The following MACF1 variants were observed in gnomAD, a reference collection of about 807,000 sequenced individuals.
MACF1 encodes the protein microtubule-actin cross-linking factor 1.
A neutral mutation model predicts 854.8 loss-of-function variants in MACF1; 193 were observed. That is an observed-to-expected ratio of 0.23 (90% CI 0.20 to 0.25). The LOEUF (loss-of-function observed/expected upper bound fraction) is 0.25. Ranked by LOEUF, MACF1 falls within the 10% of genes least tolerant of loss-of-function variation. MACF1 has a pLI of 1.00. For synonymous variants in MACF1, 3,185 were observed against 3,226.7 expected (o/e 0.99, Z 0.44); for missense variants, 7,722 against 8,929.1 (o/e 0.86, Z 5.45).
chr1:39,245,998 T>G (rs1644977588), intron 2 of MACF1, among the ~76,000 whole-genome samples: 1 of 152,242 alleles, frequency 6.6e-6, no homozygotes, highest in Admixed American at 6.5e-5. Flanking sequence ...TAAAAAACTT[T>G]CTTAGTCTTT....
chr1:39,202,345 G>A (rs890394212), upstream of MACF1, among the ~76,000 whole-genome samples: 1 of 150,784 alleles, frequency 6.6e-6, no homozygotes, highest in Non-Finnish European at 1.5e-5. Flanking sequence ...CGTAAACTTG[G>A]CTAGGTGCTG....
chr1:39,372,344 T>C (rs1158807861), intron 51 of MACF1, 135 bp from the exon 52 acceptor site: 6 of 589,588 alleles, frequency 1.0e-5, no homozygotes, highest in Non-Finnish European at 1.8e-5. Flanking sequence ...AGATATTTGA[T>C]AAATGAATAA....
At chr1:39,442,680 A>G (rs1474190410) in intron 77 of MACF1, 34 bp from the exon 78 acceptor site, 7 of 1,611,726 alleles carry the variant, frequency 4.3e-6, no homozygotes, top group Admixed American at 1.7e-5. Context: ...GATGATATCC[A>G]TAGAGATAAA....
Position 39,334,486 on chromosome 1 carries a change from T to C in MACF1, c.7898T>C (p.Val2633Ala), listed in dbSNP as rs753070511. 4.3e-6 allele frequency: 7 copies of C among 1,614,058 alleles called. No homozygotes were observed. Among genetic ancestry groups the C allele is most frequent in the Non-Finnish European group, 5.9e-6 (7 of 1,179,986 alleles). ...NCRIVPYSEL[V>A]KKCKIDIESG... ...AGAATTGTCCCCTACTCAGAATTAG[T>C]CAAGAAATGTAAGATTGATATTGAA... The change falls in exon 37 of 101, where the codon GTC (valine) becomes GCC (alanine). Residue 2633 changes from valine (V) to alanine (A), a missense_variant. Val to Ala is a moderately conservative substitution (Grantham distance 64). This residue lies in a region of MACF1 where 1,531 missense variants were observed against 1,601.6 expected (regional missense o/e 0.96). Coordinates refer to ENST00000564288, the MANE Select transcript of MACF1 (RefSeq NM_001394062.1).
intron 58 of MACF1, among the ~76,000 whole-genome samples, chr1:39,399,299 C>A (rs60180523): frequency 0.036 from 5,505 of 151,982 alleles, 303 homozygotes; most frequent in African/African-American, 0.13. Flanking sequence ...CATCCAGTTA[C>A]CCCAGACACT....
At chr1:39,190,551 G>T (rs890962908) in intron 2 of MACF1, among the ~76,000 whole-genome samples, 3 of 151,358 alleles carry the variant, frequency 2.0e-5, no homozygotes, top group Non-Finnish European at 4.4e-5. Context: ...TGTTGCCCAG[G>T]GTGGTCTCGA....
intron 58 of MACF1, among the ~76,000 whole-genome samples, chr1:39,396,259 G>A (rs536845312): frequency 1.3e-5 from 2 of 150,480 alleles, no homozygotes; most frequent in Admixed American, 6.6e-5. Context: ...GGTGGAGGTT[G>A]CAGTGAGCCG....
rs753920987 is a variant in MACF1, at chr1:39,433,125, A to G, written c.17535A>G (p.Thr5845=). The G allele has an allele frequency of 1.2e-5, 20 of 1,611,178 alleles. No individual in the cohort carries two copies. In the African/African-American group the frequency reaches 1.6e-4, roughly 13 times the overall value. Residue 5845 remains threonine, a synonymous_variant, in exon 68 of 101, where the codon ACA becomes ACG. Coordinates refer to ENST00000564288, the MANE Select transcript of MACF1 (RefSeq NM_001394062.1). ...GTCACCGTAGTGAAATCTTTGGCAC[A>G]TGTGGGGAGGAGCAAAAAACTGTAT... The part of the protein sequence containing the change: ...LFSHRSEIFG[T]CGEEQKTVLQ...
chr1:39,096,502 A>C (rs1047592647), intron 2 of MACF1, among the ~76,000 whole-genome samples: 3 of 151,864 alleles, frequency 2.0e-5, no homozygotes, highest in Non-Finnish European at 4.4e-5. Context: ...AGGCAGGAGA[A>C]TCACTTGAAC....
rs1412392912 is a variant in MACF1, at chr1:39,477,785, GTC to G, written c.21959-2009_21959-2008del. Among the ~76,000 whole-genome samples the G allele has an allele frequency of 6.6e-5, 10 of 152,218 alleles. No individual in the cohort carries two copies. In the South Asian group the frequency reaches 1.5e-3, roughly 22 times the overall value. On this transcript the variant is annotated intron_variant, in intron 97 of 100. Transcript: ENST00000564288. ...CCTCAGCCTCTGTGAGTACTTAAGT[GTC>G]TCTGTAACATAGGGATGCTAATTAC... is the stretch of plus-strand genomic sequence containing the variant.
At chr1:39,205,852 G>T (rs137920712) in intron 1 of MACF1, among the ~76,000 whole-genome samples, 16 of 152,062 alleles carry the variant, frequency 1.1e-4, no homozygotes, top group African/African-American at 3.9e-4. Flanking sequence ...ATTGCTATTA[G>T]TTATATTCTG....
intron 72 of MACF1, 117 bp from the exon 73 acceptor site, chr1:39,440,886 G>A (rs1644101514): frequency 1.0e-6 from 1 of 968,634 alleles, no homozygotes; most frequent in East Asian, 2.5e-5. Flanking sequence ...CCAGATAAGT[G>A]AAACTGACAG....
intron 2 of MACF1, among the ~76,000 whole-genome samples, chr1:39,241,681 AAG>A (rs1644925180): frequency 6.6e-6 from 1 of 151,108 alleles, no homozygotes; most frequent in Non-Finnish European, 1.5e-5. Flanking sequence ...AAAAAAAAAA[AAG>A]AGTACTACGT....
chr1:39,255,188 C>T (rs1157185608), intron 5 of MACF1, among the ~76,000 whole-genome samples: 6 of 152,302 alleles, frequency 3.9e-5, no homozygotes, highest in Admixed American at 1.3e-4. Context: ...ATCCATGCTG[C>T]TTTCTACACA....
At chr1:39,129,894 C>T (rs1197340491) in intron 2 of MACF1, among the ~76,000 whole-genome samples, 3 of 152,176 alleles carry the variant, frequency 2.0e-5, no homozygotes, top group African/African-American at 7.2e-5. Flanking sequence ...ACTCCTCCTC[C>T]CCTCCCCCAA....
At chr1:39,125,716 A>AAT (rs760639416) in intron 2 of MACF1, among the ~76,000 whole-genome samples, 8 of 152,156 alleles carry the variant, frequency 5.3e-5, no homozygotes, top group Non-Finnish European at 1.2e-4. Context: ...TTCTTTTTAC[A>AAT]ATATATAATT....
intron 49 of MACF1, among the ~76,000 whole-genome samples, chr1:39,363,031 C>T (rs1014779367): frequency 2.1e-4 from 32 of 151,970 alleles, no homozygotes; most frequent in African/African-American, 7.7e-4. Context: ...GTATTTCTAC[C>T]AATAACAAAC....
At position 39,331,865 on chromosome 1, in the gene MACF1, G is replaced by C. The variant is rs1216567291; in HGVS notation, c.5277G>C (p.Arg1759Ser). The C allele has an allele frequency of 6.2e-7, 1 of 1,614,034 alleles. No homozygotes were observed. Among genetic ancestry groups the C allele is most frequent in the Admixed American group, 1.7e-5 (1 of 59,998 alleles). ...FRAVQEGLIDRQVTVRLLEAQ... is the reference protein window; with the variant it reads ...FRAVQEGLIDSQVTVRLLEAQ... ...CAGTTCAGGAAGGGCTAATAGATAGGCAGGTCACTGTCCGGTTGCTGGAAG... is the reference window on the plus strand; with the variant it reads ...CAGTTCAGGAAGGGCTAATAGATAGCCAGGTCACTGTCCGGTTGCTGGAAG... The change falls in exon 37 of 101, where the codon AGG becomes AGC. Residue 1759 changes from arginine to serine, a missense_variant. By Grantham distance (110) the Arg-to-Ser change is moderately radical. Transcript: ENST00000564288.
chr1:39,203,213 A>G (rs1034155067), upstream of MACF1, among the ~76,000 whole-genome samples: 2 of 152,180 alleles, frequency 1.3e-5, no homozygotes, highest in African/African-American at 4.8e-5. Context: ...CTTTAGAAGT[A>G]AGTAAACAGG....
Sources: gnomAD v4.1 joint callset for allele counts (sites outside exome capture counted in the v4.1 genomes callset) on GRCh38, gnomAD v4.1.1 for gene constraint, gnomAD v4.1.1 regional missense constraint, MANE v1.5 for transcripts, NCBI Gene and HGNC (gene_info 2026-07-23, HGNC 2026-07-21) for gene names.